ZNF277: variants seen among roughly 807,000 people sequenced by gnomAD.
ZNF277 encodes the protein nuclear receptor-interacting factor 4.
In ZNF277, 55 loss-of-function variants were observed where a neutral mutation model predicts 60.7. The observed-to-expected ratio is 0.91, with a 90% CI of 0.73 to 1.13. The LOEUF (loss-of-function observed/expected upper bound fraction) is 1.13. Ranked by LOEUF, ZNF277 falls within the 50% of genes most tolerant of loss-of-function variation. ZNF277 has a pLI of 0.00. For synonymous variants in ZNF277, 178 were observed against 179.3 expected, an observed-to-expected ratio of 0.99 and a Z score of 0.06; for missense variants, 510 against 523.0, an observed-to-expected ratio of 0.98 and a Z score of 0.24.
At chr7:112,285,224 G>A (rs1471720333) in intron 1 of ZNF277, among the ~76,000 whole-genome samples, 1 of 151,486 alleles carries the variant, frequency 6.6e-6, no homozygotes, top group Non-Finnish European at 1.5e-5. Context: ...TAGAGACACG[G>A]TTTCACCATG....
chr7:112,244,087 G>T (rs1791024185), intron 1 of ZNF277, among the ~76,000 whole-genome samples: 1 of 152,070 alleles, frequency 6.6e-6, no homozygotes, highest in African/African-American at 2.4e-5. Flanking sequence ...TTATAAGTGG[G>T]TGCTAAATAA....
chr7:112,229,534 G>A (rs979544947), intron 1 of ZNF277, among the ~76,000 whole-genome samples: 1 of 152,164 alleles, frequency 6.6e-6, no homozygotes, highest in African/African-American at 2.4e-5. Flanking sequence ...TGTTCTCCAT[G>A]AGGCCAAGTG....
chr7:112,232,879 A>G (rs891185604), intron 1 of ZNF277, among the ~76,000 whole-genome samples: 1 of 152,090 alleles, frequency 6.6e-6, no homozygotes, highest in Non-Finnish European at 1.5e-5. Flanking sequence ...ATATTTTGAA[A>G]AAGTTTATAT....
rs1587070070 is a variant in ZNF277 at position 112,207,324 on chromosome 7, T to G, written c.91+517T>G. ...AGATTTGCCCAGTTTGTGGCTGAGGTGACCTCTGAAGGGAAAGTGTGTGTA... is the reference window on the plus strand; with the variant it reads ...AGATTTGCCCAGTTTGTGGCTGAGGGGACCTCTGAAGGGAAAGTGTGTGTA... On this transcript the variant is annotated intron_variant, in intron 1 of 11. Transcript: ENST00000361822. Among the ~76,000 whole-genome samples, 3 of 152,152 alleles carry G rather than the reference T, an allele frequency of 2.0e-5. No homozygotes were observed. The South Asian group carries it at 6.2e-4, about 31-fold the overall frequency.
intron 1 of ZNF277, among the ~76,000 whole-genome samples, chr7:112,236,507 A>G (rs1790788823): frequency 6.6e-6 from 1 of 151,990 alleles, no homozygotes; most frequent in Non-Finnish European, 1.5e-5. Flanking sequence ...CCCTCCTTTC[A>G]TCTTATTATA....
rs533653463 is a variant in ZNF277 at position 112,277,458 on chromosome 7, C to T, written c.92-9415C>T. Among the ~76,000 whole-genome samples, 15 of 152,204 alleles carry T rather than the reference C, an allele frequency of 9.9e-5. No homozygotes were observed. In the East Asian group the frequency reaches 2.9e-3, roughly 29 times the overall value. On this transcript the variant is annotated intron_variant, in intron 1 of 11. Coordinates refer to ENST00000361822, the MANE Select transcript of ZNF277 (RefSeq NM_021994.3). ...ATACACACAGTATTTATATAGTTTC[C>T]CATTGAATTCCCGAAACCCCAGTCT...
intron 11 of ZNF277, among the ~76,000 whole-genome samples, chr7:112,341,605 C>G (rs568212268): frequency 3.6e-4 from 55 of 152,338 alleles, no homozygotes; most frequent in African/African-American, 1.3e-3. Flanking sequence ...TATATTGGCA[C>G]TTGAAAAAAT....
intron 1 of ZNF277, among the ~76,000 whole-genome samples, chr7:112,269,135 A>G (rs760244636): frequency 6.6e-5 from 10 of 152,100 alleles, no homozygotes; most frequent in Non-Finnish European, 1.2e-4. Context: ...GAATGACAAG[A>G]CCTTGAATTT....
intron 1 of ZNF277, among the ~76,000 whole-genome samples, chr7:112,263,576 T>C (rs1282012912): frequency 6.6e-6 from 1 of 152,184 alleles, no homozygotes. Flanking sequence ...CTTTTGTAGC[T>C]TCAGATCATC....
intron 1 of ZNF277, among the ~76,000 whole-genome samples, chr7:112,222,145 TG>T (rs1563195640): frequency 6.6e-6 from 1 of 152,256 alleles, no homozygotes; most frequent in Non-Finnish European, 1.5e-5. Flanking sequence ...CCTGTACTTT[TG>T]TTCTCTTGAA....
Position 112,287,030 on chromosome 7 carries a change from T to A in ZNF277, c.249T>A (p.His83Gln). The change falls in exon 2 of 12, where the codon CAT (histidine) becomes CAA (glutamine). Residue 83 changes from histidine to glutamine, a missense_variant. By Grantham distance (24) the His-to-Gln change is conservative. Coordinates refer to ENST00000361822, the MANE Select transcript of ZNF277 (RefSeq NM_021994.3). Reference sequence around the variant, plus strand: ...TTCTGAAGCACATGATTATTGAGCATAAGATTGTCATAGCTGATGTCAAGT... The same window carrying A: ...TTCTGAAGCACATGATTATTGAGCAAAAGATTGTCATAGCTGATGTCAAGT... ...DKLLKHMIIE[H>Q]KIVIADVKLV... The A allele has an allele frequency of 6.2e-7, 1 of 1,614,112 alleles. No homozygotes were observed. Among genetic ancestry groups the A allele is most frequent in the Non-Finnish European group, 8.5e-7 (1 of 1,180,006 alleles).
At chr7:112,336,027 AT>A (rs1005000962) in intron 7 of ZNF277, 76 bp from the exon 8 acceptor site, 6 of 1,320,426 alleles carry the variant, frequency 4.5e-6, no homozygotes, top group African/African-American at 4.5e-5. Flanking sequence ...TTTGGTTTTG[AT>A]TTTTTTCAAA....
intron 1 of ZNF277, among the ~76,000 whole-genome samples, chr7:112,226,841 A>G (rs1031929541): frequency 2.0e-5 from 3 of 152,160 alleles, no homozygotes; most frequent in African/African-American, 7.2e-5. Flanking sequence ...CAAAACTAGT[A>G]TGATATAGAG....
At chr7:112,247,270 C>CG (rs1366875188) in intron 1 of ZNF277, among the ~76,000 whole-genome samples, 1 of 152,118 alleles carries the variant, frequency 6.6e-6, no homozygotes, top group African/African-American at 2.4e-5. Context: ...CAAATGAGCT[C>CG]TCTACTTGTA....
intron 11 of ZNF277, among the ~76,000 whole-genome samples, chr7:112,342,065 T>C (rs1793455384): frequency 6.6e-6 from 1 of 152,194 alleles, no homozygotes; most frequent in Admixed American, 6.5e-5. Context: ...GAAGAGCTTA[T>C]TATTCTCAAT....
intron 1 of ZNF277, among the ~76,000 whole-genome samples, chr7:112,272,184 G>A (rs1286866806): frequency 6.6e-6 from 1 of 152,138 alleles, no homozygotes; most frequent in African/African-American, 2.4e-5. Flanking sequence ...AACATGCAAA[G>A]TTTGTCATTT....
intron 9 of ZNF277, among the ~76,000 whole-genome samples, chr7:112,339,485 A>C (rs970797824): frequency 2.0e-5 from 3 of 152,064 alleles, no homozygotes; most frequent in Non-Finnish European, 4.4e-5. Context: ...CACCCAGCCA[A>C]TTTTTGTATT....
intron 1 of ZNF277, among the ~76,000 whole-genome samples, chr7:112,222,305 C>G (rs1350121008): frequency 6.6e-6 from 1 of 152,282 alleles, no homozygotes; most frequent in South Asian, 2.1e-4. Flanking sequence ...GCGGTGACAT[C>G]GTTAGGTCTT....
intron 1 of ZNF277, among the ~76,000 whole-genome samples, chr7:112,220,014 C>T (rs910181960): frequency 6.6e-6 from 1 of 152,150 alleles, no homozygotes; most frequent in Non-Finnish European, 1.5e-5. Flanking sequence ...GTTCTTTTTG[C>T]TCAACATTGC....
Sources: allele counts gnomAD v4.1 joint callset (sites outside exome capture counted in the v4.1 genomes callset), GRCh38; gene constraint gnomAD v4.1.1; transcripts MANE v1.5; gene names NCBI Gene and HGNC (gene_info 2026-07-23, HGNC 2026-07-21).